DLGAP1: variants seen among roughly 807,000 people sequenced by gnomAD.
The protein encoded by DLGAP1 is disks large-associated protein 1.
In DLGAP1, 11 loss-of-function variants were observed where a neutral mutation model predicts 90.8. The observed-to-expected ratio is 0.12, with a 90% CI of 0.08 to 0.20. The LOEUF (loss-of-function observed/expected upper bound fraction) is 0.20, where lower values mean the gene tolerates loss of function less well. Ranked by LOEUF, DLGAP1 falls within the 10% of genes least tolerant of loss-of-function variation. The pLI, the probability that DLGAP1 is intolerant of heterozygous loss-of-function variation, is 1.00. For synonymous variants in DLGAP1, 558 were observed against 540.7 expected (o/e 1.03, Z -0.44); for missense variants, 1,050 against 1,333.8 (o/e 0.79, Z 3.31).
intron 3 of DLGAP1, among the ~76,000 whole-genome samples, chr18:3,956,471 C>A (rs2073087216): frequency 6.6e-6 from 1 of 152,000 alleles, no homozygotes; most frequent in Non-Finnish European, 1.5e-5. Context: ...GCCTCAGCCT[C>A]CCCAGTAGCT....
chr18:3,725,535 A>G (rs1280933185), intron 7 of DLGAP1, among the ~76,000 whole-genome samples: 1 of 150,624 alleles, frequency 6.6e-6, no homozygotes, highest in Non-Finnish European at 1.5e-5. Context: ...TCATGTTTGC[A>G]TTCTACTTTC....
intron 3 of DLGAP1, among the ~76,000 whole-genome samples, chr18:3,949,845 G>A (rs1200991062): frequency 6.6e-6 from 1 of 151,874 alleles, no homozygotes; most frequent in Non-Finnish European, 1.5e-5. Flanking sequence ...AAATCACACT[G>A]GAAAAATATA....
At chr18:4,309,092 TGTAG>T (rs1316637919) in intron 1 of DLGAP1, among the ~76,000 whole-genome samples, 2 of 152,158 alleles carry the variant, frequency 1.3e-5, no homozygotes, top group Non-Finnish European at 2.9e-5. Context: ...TCGGGTAAGA[TGTAG>T]GTAGGTAGGT....
intron 1 of DLGAP1, among the ~76,000 whole-genome samples, chr18:4,263,785 T>C (rs1197466570): frequency 6.6e-6 from 1 of 150,818 alleles, no homozygotes; most frequent in Non-Finnish European, 1.5e-5. Flanking sequence ...ATCATCTTTG[T>C]ATTTTTTTAA....
Position 3,969,002 on chromosome 18 carries a change from C to T in DLGAP1, c.-73+36114G>A, listed in dbSNP as rs572402509. 1.1e-4 allele frequency among the ~76,000 whole-genome samples: 17 copies of T among 151,894 alleles called. No homozygotes were observed. The East Asian group carries it at 2.1e-3, about 19-fold the overall frequency. ...CATTTTGCAGGTGGCAAGAGACCAGCGAGACAACAAAGGAAAGAAGTTAAC... is the reference window on the plus strand; with the variant it reads ...CATTTTGCAGGTGGCAAGAGACCAGTGAGACAACAAAGGAAAGAAGTTAAC... On this transcript the variant is annotated intron_variant, in intron 3 of 12. Transcript: ENST00000315677.
At chr18:3,530,727 G>C (rs1260216836) in intron 10 of DLGAP1, among the ~76,000 whole-genome samples, 4 of 152,196 alleles carry the variant, frequency 2.6e-5, no homozygotes, top group Middle Eastern at 3.2e-3. Context: ...AGACCTAATT[G>C]TGCTTGGGGG....
intron 1 of DLGAP1, among the ~76,000 whole-genome samples, chr18:4,187,952 C>T (rs146005911): frequency 5.9e-5 from 9 of 152,184 alleles, no homozygotes; most frequent in African/African-American, 1.9e-4. Flanking sequence ...GAGCAGAGAT[C>T]GTGCCACTGC....
At chr18:3,689,641 T>C (rs2060824799) in intron 7 of DLGAP1, among the ~76,000 whole-genome samples, 1 of 152,194 alleles carries the variant, frequency 6.6e-6, no homozygotes. Context: ...TAAAGGTATA[T>C]TTCCATGTGT....
At chr18:3,556,594 T>C (rs1371623573) in intron 9 of DLGAP1, among the ~76,000 whole-genome samples, 1 of 152,224 alleles carries the variant, frequency 6.6e-6, no homozygotes, top group Non-Finnish European at 1.5e-5. Context: ...AATAGCTTAT[T>C]ACTTTTAGTG....
intron 1 of DLGAP1, among the ~76,000 whole-genome samples, chr18:4,334,132 G>A (rs762694192): frequency 6.6e-6 from 1 of 151,472 alleles, no homozygotes; most frequent in Non-Finnish European, 1.5e-5. Context: ...CAGGTACGTG[G>A]GAAGCTGAGG....
At chr18:4,200,866 C>T (rs2177008) in intron 1 of DLGAP1, among the ~76,000 whole-genome samples, 19,340 of 151,920 alleles carry the variant, frequency 0.13, 1,540 homozygotes, top group South Asian at 0.29. Flanking sequence ...ACTACATTTC[C>T]GTTTATCTGA....
At chr18:4,260,569 G>A (rs1056580610) in intron 1 of DLGAP1, among the ~76,000 whole-genome samples, 1 of 151,994 alleles carries the variant, frequency 6.6e-6, no homozygotes, top group Non-Finnish European at 1.5e-5. Flanking sequence ...TATAACGAAA[G>A]ATATATTAAA....
chr18:3,842,618 T>C (rs977890962), intron 4 of DLGAP1, among the ~76,000 whole-genome samples: 8 of 151,568 alleles, frequency 5.3e-5, no homozygotes, highest in African/African-American at 1.9e-4. Context: ...TTCATTCAAC[T>C]AACTTTTATG....
At chr18:4,147,654 T>C (rs1176649285) in intron 2 of DLGAP1, among the ~76,000 whole-genome samples, 2 of 152,104 alleles carry the variant, frequency 1.3e-5, no homozygotes, top group African/African-American at 4.8e-5. Flanking sequence ...CAGATATTTA[T>C]GGGTTTCCAA....
At chr18:3,674,009 A>C (rs1333922340) in intron 7 of DLGAP1, among the ~76,000 whole-genome samples, 1 of 151,508 alleles carries the variant, frequency 6.6e-6, no homozygotes, top group East Asian at 1.9e-4. Flanking sequence ...CACCCAGCTA[A>C]TTTTTATACT....
At chr18:3,622,320 T>C (rs1004694316) in intron 7 of DLGAP1, among the ~76,000 whole-genome samples, 1 of 152,142 alleles carries the variant, frequency 6.6e-6, no homozygotes, top group Non-Finnish European at 1.5e-5. Flanking sequence ...TTAGCCAGGA[T>C]GGTCTCGATC....
At chr18:4,363,545 A>C (rs2144124102) in intron 1 of DLGAP1, among the ~76,000 whole-genome samples, 1 of 152,330 alleles carries the variant, frequency 6.6e-6, no homozygotes, top group Admixed American at 6.5e-5. Context: ...CAATGAACTC[A>C]AACAAATTTA....
intron 3 of DLGAP1, among the ~76,000 whole-genome samples, chr18:3,958,137 G>C (rs185055489): frequency 6.6e-6 from 1 of 151,994 alleles, no homozygotes; most frequent in South Asian, 2.1e-4. Flanking sequence ...CAGGTGGTTC[G>C]AAGTGGGCAG....
chr18:4,282,419 T>C (rs1018029449), intron 1 of DLGAP1, among the ~76,000 whole-genome samples: 1 of 148,858 alleles, frequency 6.7e-6, no homozygotes, highest in Non-Finnish European at 1.5e-5. Flanking sequence ...TAAAACAAAA[T>C]GATTTGTGAA....
Sources: gnomAD v4.1 joint callset for allele counts (sites outside exome capture counted in the v4.1 genomes callset) on GRCh38, gnomAD v4.1.1 for gene constraint, MANE v1.5 for transcripts, NCBI Gene and HGNC (gene_info 2026-07-23, HGNC 2026-07-21) for gene names.